The following ANKRD30B variants were observed in gnomAD, a reference collection of about 807,000 sequenced individuals.
The protein encoded by ANKRD30B is ankyrin repeat domain 30B, also known as ankyrin repeat domain-containing protein 30B.
In ANKRD30B, 144 loss-of-function variants were observed where a neutral mutation model predicts 202.2. The observed-to-expected ratio is 0.71, with a 90% CI of 0.62 to 0.82. The LOEUF (loss-of-function observed/expected upper bound fraction) is 0.82, where lower values mean the gene tolerates loss of function less well. ANKRD30B is among the 40% of genes least tolerant of loss of function. The pLI is 0.00. For missense variants in ANKRD30B, 1,487 were observed against 1,669.1 expected, an observed-to-expected ratio of 0.89 and a Z score of 1.90; for synonymous variants, 508 against 561.3, an observed-to-expected ratio of 0.91 and a Z score of 1.34.
chr18:14,875,331 A>G, the ANKRD30B span, among the ~76,000 whole-genome samples: 1 of 152,206 alleles, frequency 6.6e-6, no homozygotes, highest in African/African-American at 2.4e-5. Context: ...GGCAGCTGCC[A>G]TCAAATTAGA....
chr18:14,927,236 T>C, the ANKRD30B span, among the ~76,000 whole-genome samples: 1 of 152,192 alleles, frequency 6.6e-6, no homozygotes, highest in African/African-American at 2.4e-5. Context: ...AAATCTAAAA[T>C]TATTTTAAAA....
At chr18:14,875,087 C>T in the ANKRD30B span, among the ~76,000 whole-genome samples, 58 of 152,228 alleles carry the variant, frequency 3.8e-4, no homozygotes, top group African/African-American at 1.3e-3. Flanking sequence ...GCTGTTAAAA[C>T]CTAGCAGGGG....
chr18:14,931,839 G>C, the ANKRD30B span, among the ~76,000 whole-genome samples: 1 of 128,272 alleles, frequency 7.8e-6, no homozygotes, highest in Admixed American at 9.2e-5. Flanking sequence ...ACTCTGGCCT[G>C]AAACCATTTG....
At chr18:14,748,691 G>A in intron 1 of ANKRD30B, 51 bp downstream of exon 1, 1 of 1,470,376 alleles carries the variant, frequency 6.8e-7, no homozygotes, top group Non-Finnish European at 9.1e-7. Context: ...GCGGCTGTGG[G>A]AGGATCGCCC....
At chr18:14,799,791 G>C (rs550562206) in intron 22 of ANKRD30B, among the ~76,000 whole-genome samples, 26 of 152,082 alleles carry the variant, frequency 1.7e-4, no homozygotes, top group African/African-American at 6.0e-4. Context: ...ATCATTACTT[G>C]ATGATTCTTT....
At chr18:14,786,707 G>A (rs1378945014) in intron 14 of ANKRD30B, among the ~76,000 whole-genome samples, 1 of 152,132 alleles carries the variant, frequency 6.6e-6, no homozygotes, top group African/African-American at 2.4e-5. Context: ...GAGATGATAG[G>A]TAATTAAAGT....
chr18:14,922,380 G>T, the ANKRD30B span, among the ~76,000 whole-genome samples: 1 of 152,156 alleles, frequency 6.6e-6, no homozygotes, highest in African/African-American at 2.4e-5. Context: ...TCACGGCTGG[G>T]CGTGGTGGCT....
rs551680231 is a variant in ANKRD30B at position 14,769,349 on chromosome 18, T to A, written c.1232T>A (p.Val411Glu). Residue 411 changes from valine (V) to glutamate (E), a missense_variant, in exon 8 of 44, where the codon GTG becomes GAG. Val to Glu is a moderately radical substitution (Grantham distance 121, BLOSUM62 -2). This residue lies in a region of ANKRD30B where 889 missense variants were observed against 841.4 expected (regional missense o/e 1.06). Coordinates refer to ENST00000690538, the MANE Select transcript of ANKRD30B (RefSeq NM_001367607.2). ...TSTKASTNVD[V>E]SSVEPIFSLF... The stretch of plus-strand genomic sequence containing the variant: ...TACTTTTTTTCTTTAATAGTGGATG[T>A]GAGTTCTGTAGAGCCTATATTCAGG... The A allele has an allele frequency of 2.5e-5, 38 of 1,542,880 alleles. No homozygotes were observed. In the African/African-American group the frequency reaches 4.4e-4, roughly 18 times the overall value.
intron 39 of ANKRD30B, among the ~76,000 whole-genome samples, chr18:14,845,090 G>A: frequency 6.6e-6 from 1 of 151,946 alleles, no homozygotes; most frequent in East Asian, 1.9e-4. Context: ...AAGCTCTTTA[G>A]TTTAATTAGG....
the ANKRD30B span, among the ~76,000 whole-genome samples, chr18:14,895,424 A>G: frequency 2.6e-5 from 4 of 152,240 alleles, no homozygotes; most frequent in Non-Finnish European, 5.9e-5. Flanking sequence ...CTCTTTCATT[A>G]CTAGTGGGAA....
intron 39 of ANKRD30B, among the ~76,000 whole-genome samples, chr18:14,845,837 G>A (rs1229970925): frequency 2.0e-5 from 3 of 152,026 alleles, no homozygotes; most frequent in Non-Finnish European, 4.4e-5. Context: ...TTTTCCCTGT[G>A]CCCTCACATG....
intron 28 of ANKRD30B, among the ~76,000 whole-genome samples, chr18:14,810,747 A>G (rs1568037564): frequency 6.6e-6 from 1 of 151,066 alleles, no homozygotes; most frequent in Admixed American, 6.6e-5. Context: ...TTTTTATGCT[A>G]CTGTAATTAA....
chr18:14,827,616 CA>C (rs1021639491), intron 32 of ANKRD30B, among the ~76,000 whole-genome samples: 1 of 152,062 alleles, frequency 6.6e-6, no homozygotes, highest in African/African-American at 2.4e-5. Flanking sequence ...GGTATGAGAG[CA>C]GAGGGAAATC....
chr18:14,796,776 C>T (rs1258280664), intron 18 of ANKRD30B, among the ~76,000 whole-genome samples: 1 of 141,158 alleles, frequency 7.1e-6, no homozygotes, highest in African/African-American at 2.7e-5. Context: ...GCCAACAATT[C>T]ACTGGATATA....
At chr18:14,774,173 C>A (rs924095602) in intron 9 of ANKRD30B, among the ~76,000 whole-genome samples, 1 of 151,944 alleles carries the variant, frequency 6.6e-6, no homozygotes, top group Non-Finnish European at 1.5e-5. Flanking sequence ...CTTTATTACC[C>A]AGGTATTAAC....
At chr18:14,883,399 C>CTATATATATATA in the ANKRD30B span, 1 of 37,190 alleles carries the variant, frequency 2.7e-5, no homozygotes, top group African/African-American at 1.1e-4. Context: ...CTCTCTCTCT[C>CTATATATATATA]TATATATATA....
At chr18:14,893,941 T>C in the ANKRD30B span, among the ~76,000 whole-genome samples, 2 of 150,776 alleles carry the variant, frequency 1.3e-5, no homozygotes, top group African/African-American at 4.9e-5. Context: ...GATAGCATAA[T>C]GGTAGAGTTC....
chr18:14,841,855 C>T (rs1287786390), intron 37 of ANKRD30B, among the ~76,000 whole-genome samples: 7 of 152,098 alleles, frequency 4.6e-5, no homozygotes, highest in Non-Finnish European at 8.8e-5. Context: ...TTGGAGTAAA[C>T]CATGGTGACT....
At chr18:14,796,444 G>T (rs9676173) in intron 18 of ANKRD30B, 29 bp downstream of exon 18, 704,956 of 1,525,982 alleles carry the variant, frequency 0.46, 166,951 homozygotes, top group East Asian at 0.6. Flanking sequence ...CTTTTAATCT[G>T]TAATTAAGAA....
Sources: gnomAD v4.1 joint callset for allele counts (sites outside exome capture counted in the v4.1 genomes callset) on GRCh38, gnomAD v4.1.1 for gene constraint, gnomAD v4.1.1 regional missense constraint, MANE v1.5 for transcripts, NCBI Gene and HGNC (gene_info 2026-07-23, HGNC 2026-07-21) for gene names.